Variants in ATP9A observed in about 807,000 individuals in gnomAD.
ATP9A encodes probable phospholipid-transporting ATPase IIA.
A neutral mutation model predicts 144.1 loss-of-function variants in ATP9A; 52 were observed. The observed-to-expected ratio is 0.36, with a 90% CI of 0.29 to 0.45. The LOEUF (loss-of-function observed/expected upper bound fraction) is 0.45, where lower values mean the gene tolerates loss of function less well. Among genes scored for constraint, ATP9A ranks in the 20% least tolerant of loss-of-function variants. ATP9A has a pLI of 1.00. For missense variants in ATP9A, 947 were observed against 1,392.7 expected (o/e 0.68, Z 5.09); for synonymous variants, 582 against 557.4 (o/e 1.04, Z -0.62).
intron 1 of ATP9A, among the ~76,000 whole-genome samples, chr20:51,750,414 C>T (rs1346746722): frequency 1.3e-5 from 2 of 152,110 alleles, no homozygotes; most frequent in Admixed American, 6.6e-5. Flanking sequence ...CCAAGACACT[C>T]GGTCATAGGT....
intron 14 of ATP9A, among the ~76,000 whole-genome samples, chr20:51,654,952 T>C (rs1021756480): frequency 1.3e-5 from 2 of 152,180 alleles, no homozygotes; most frequent in African/African-American, 4.8e-5. Context: ...GGCTGTCTTG[T>C]TAGCACTAAT....
intron 3 of ATP9A, among the ~76,000 whole-genome samples, chr20:51,718,486 G>T (rs971940491): frequency 6.6e-6 from 1 of 151,662 alleles, no homozygotes; most frequent in African/African-American, 2.4e-5. Context: ...GGAGGAGTGG[G>T]GGGCAAAAAG....
intron 5 of ATP9A, among the ~76,000 whole-genome samples, chr20:51,696,433 A>C (rs6021390): frequency 0.24 from 36,657 of 152,118 alleles, 4,721 homozygotes; most frequent in Non-Finnish European, 0.27. Flanking sequence ...ATTACCTCCC[A>C]AAATCCCAAA....
chr20:51,763,457 T>C (rs978412444), intron 1 of ATP9A, among the ~76,000 whole-genome samples: 31 of 151,672 alleles, frequency 2.0e-4, no homozygotes, highest in Non-Finnish European at 3.7e-4. Context: ...GGACTACAAG[T>C]GCCCGCCACC....
At chr20:51,697,535 A>G in intron 4 of ATP9A, 53 bp from the exon 5 acceptor site, 2 of 1,557,074 alleles carry the variant, frequency 1.3e-6, no homozygotes, top group Non-Finnish European at 1.8e-6. Context: ...TTTCAATTCA[A>G]CACGTCTTTA....
intron 9 of ATP9A, among the ~76,000 whole-genome samples, chr20:51,678,148 C>A (rs567262864): frequency 7.8e-5 from 9 of 115,052 alleles, no homozygotes; most frequent in African/African-American, 2.7e-4. Flanking sequence ...GGGAAGGGGG[C>A]AGTGGGGGGC....
chr20:51,604,279 G>A (rs890255821), intron 27 of ATP9A, among the ~76,000 whole-genome samples: 1 of 152,172 alleles, frequency 6.6e-6, no homozygotes, highest in Admixed American at 6.5e-5. Context: ...CACACGGCAG[G>A]TGCTCCCACG....
At chr20:51,738,496 G>C (rs907881784) in intron 1 of ATP9A, among the ~76,000 whole-genome samples, 1 of 150,312 alleles carries the variant, frequency 6.7e-6, no homozygotes, top group Non-Finnish European at 1.5e-5. Flanking sequence ...CTGAGGTCAG[G>C]AGTTCACGAC....
chr20:51,717,177 A>G lies in ATP9A; in HGVS notation c.328-4103T>C, dbSNP rs544650278. On this transcript the variant is annotated intron_variant, in intron 3 of 27. Coordinates refer to ENST00000338821, the MANE Select transcript of ATP9A (RefSeq NM_006045.3). Reference sequence around the variant, plus strand: ...ACAGAGCAAGACTGCCTCAAAAAAAAAAAAAAAAAAAAAAGATCTAAACCC... The same window carrying G: ...ACAGAGCAAGACTGCCTCAAAAAAAGAAAAAAAAAAAAAAGATCTAAACCC... Among the ~76,000 whole-genome samples the G allele has an allele frequency of 2.1e-4, 32 of 150,540 alleles. No individual in the cohort carries two copies. The South Asian group carries it at 2.3e-3, about 11-fold the overall frequency.
At chr20:51,719,279 A>G (rs188638238) in intron 3 of ATP9A, among the ~76,000 whole-genome samples, 2 of 152,296 alleles carry the variant, frequency 1.3e-5, no homozygotes, top group East Asian at 3.9e-4. Flanking sequence ...AGGACAAGGG[A>G]CAGCCTGAAC....
At chr20:51,726,721 A>G in intron 2 of ATP9A, among the ~76,000 whole-genome samples, 1 of 151,522 alleles carries the variant, frequency 6.6e-6, no homozygotes, top group Non-Finnish European at 1.5e-5. Flanking sequence ...TGAAACCACA[A>G]GCATGCACCA....
At chr20:51,657,945 T>C (rs1001069440) in intron 13 of ATP9A, among the ~76,000 whole-genome samples, 5 of 152,218 alleles carry the variant, frequency 3.3e-5, no homozygotes, top group East Asian at 1.9e-4. Flanking sequence ...GGCAGCTCCA[T>C]GGCATACAAC....
At chr20:51,712,944 GC>G in intron 4 of ATP9A, 21 bp downstream of exon 4, 1 of 1,586,144 alleles carries the variant, frequency 6.3e-7, no homozygotes, top group Non-Finnish European at 8.6e-7. Flanking sequence ...CAACCCTGTG[GC>G]CCAGGAGCCA....
chr20:51,699,333 C>CAAA (rs74175569), intron 4 of ATP9A, among the ~76,000 whole-genome samples: 68 of 70,220 alleles, frequency 9.7e-4, no homozygotes, highest in East Asian at 1.3e-3. Flanking sequence ...AACTCAATCT[C>CAAA]AAAAAAAAAA....
chr20:51,615,248 G>C (rs2077198785), intron 22 of ATP9A, among the ~76,000 whole-genome samples: 2 of 152,254 alleles, frequency 1.3e-5, no homozygotes, highest in East Asian at 3.9e-4. Flanking sequence ...GTAGCAAATA[G>C]TAACAATTGG....
At chr20:51,745,113 C>T (rs2077802170) in intron 1 of ATP9A, among the ~76,000 whole-genome samples, 1 of 152,076 alleles carries the variant, frequency 6.6e-6, no homozygotes, top group Admixed American at 6.6e-5. Flanking sequence ...GCCGTCTCTA[C>T]TAAAAATACA....
rs114915637 is a variant in ATP9A at position 51,609,451 on chromosome 20, A to G, written c.2636+650T>C. The stretch of plus-strand genomic sequence containing the variant: ...CATAACCAGAAGTGGCCTCAGCTGC[A>G]TGTGTCTGTATCTAGGGCACTCGGT... On this transcript the variant is annotated intron_variant, in intron 24 of 27. Transcript: ENST00000338821. Among the ~76,000 whole-genome samples, 1,256 of 152,220 alleles carry G rather than the reference A, an allele frequency of 8.3e-3. 18 individuals carry two copies. Among genetic ancestry groups the G allele is most frequent in the African/African-American group, 0.029 (1,197 of 41,526 alleles).
intron 14 of ATP9A, among the ~76,000 whole-genome samples, chr20:51,644,256 T>C (rs944367911): frequency 6.0e-5 from 9 of 150,028 alleles, no homozygotes; most frequent in Admixed American, 6.8e-5. Context: ...ACTTCTAGCT[T>C]TTACTTCTAG....
intron 1 of ATP9A, among the ~76,000 whole-genome samples, chr20:51,737,551 G>T (rs1341211964): frequency 6.6e-6 from 1 of 152,170 alleles, no homozygotes; most frequent in Non-Finnish European, 1.5e-5. Context: ...GGACTAAGAA[G>T]CGTATTCACA....
Sources: gnomAD v4.1 joint callset for allele counts (sites outside exome capture counted in the v4.1 genomes callset) on GRCh38, gnomAD v4.1.1 for gene constraint, MANE v1.5 for transcripts, NCBI Gene and HGNC (gene_info 2026-07-23, HGNC 2026-07-21) for gene names.